Variants in SNX24 observed in about 807,000 individuals in gnomAD.
SNX24 encodes sorting nexin 24.
In SNX24, 22 loss-of-function variants were observed where a neutral mutation model predicts 28.7. That is an observed-to-expected ratio of 0.77 (90% CI 0.55 to 1.10). The LOEUF is 1.10. Among genes scored for constraint, SNX24 ranks in the 50% least tolerant of loss-of-function variants. The probability of loss-of-function intolerance (pLI) is 0.00; values close to 1 mark genes in which losing one functional copy is unlikely to be tolerated. For synonymous variants in SNX24, 69 were observed against 71.5 expected, an observed-to-expected ratio of 0.96 and a Z score of 0.18; for missense variants, 221 against 201.1, an observed-to-expected ratio of 1.10 and a Z score of -0.60.
intron 1 of SNX24, 29 bp from the exon 2 acceptor site, chr5:122,936,705 A>G (rs1309126776): frequency 1.1e-5 from 14 of 1,286,016 alleles, no homozygotes; most frequent in Non-Finnish European, 1.5e-5. Flanking sequence ...TTGAACTAAT[A>G]TAATTAATCT....
At chr5:122,963,826 G>C (rs1469507438) in intron 3 of SNX24, among the ~76,000 whole-genome samples, 1 of 152,078 alleles carries the variant, frequency 6.6e-6, no homozygotes, top group Non-Finnish European at 1.5e-5. Flanking sequence ...TCTCCTTGCA[G>C]GTTAATATAT....
intron 1 of SNX24, among the ~76,000 whole-genome samples, chr5:122,876,342 T>C (rs1267580551): frequency 6.6e-6 from 1 of 152,156 alleles, no homozygotes; most frequent in Non-Finnish European, 1.5e-5. Context: ...AAATGAAAAA[T>C]ATTAGTTTTT....
chr5:122,851,782 A>G (rs190029179), intron 1 of SNX24, among the ~76,000 whole-genome samples: 1 of 152,270 alleles, frequency 6.6e-6, no homozygotes, highest in African/African-American at 2.4e-5. Flanking sequence ...ATATTTTATA[A>G]TTCTTTCATT....
chr5:122,962,011 C>CGA (rs1760506846), intron 3 of SNX24, among the ~76,000 whole-genome samples: 1 of 152,128 alleles, frequency 6.6e-6, no homozygotes. Flanking sequence ...TATGGTAATT[C>CGA]TATAAGACTT....
chr5:122,921,510 C>T lies in SNX24; in HGVS notation c.61-15224C>T, dbSNP rs150366368. 6.4e-3 allele frequency among the ~76,000 whole-genome samples: 967 copies of T among 152,120 alleles called. 9 individuals are homozygous for T. Among genetic ancestry groups the T allele is most frequent in the East Asian group, 0.059 (307 of 5,170 alleles). On this transcript the variant is annotated intron_variant, in intron 1 of 6. Coordinates refer to ENST00000261369, the MANE Select transcript of SNX24 (RefSeq NM_014035.4). ...TGTGGAAAAATGCTTGGCAGAAGAT[C>T]CACAGCTGTACTGTCTCTGTAAAGA...
intron 3 of SNX24, among the ~76,000 whole-genome samples, chr5:122,981,667 G>T (rs965989418): frequency 7.0e-5 from 10 of 142,660 alleles, no homozygotes; most frequent in African/African-American, 2.4e-4. Context: ...GTTTTGTTTT[G>T]TTTTTGTTTG....
At chr5:122,944,388 A>G (rs1320484007) in intron 2 of SNX24, among the ~76,000 whole-genome samples, 1 of 151,864 alleles carries the variant, frequency 6.6e-6, no homozygotes, top group African/African-American at 2.4e-5. Context: ...CTGGAAAACC[A>G]GTTTATAGCT....
Position 122,910,176 on chromosome 5 carries a change from A to G in SNX24, c.61-26558A>G, listed in dbSNP as rs114505204. Among the ~76,000 whole-genome samples, 863 of 152,308 alleles carry G rather than the reference A, an allele frequency of 5.7e-3. 12 individuals carry two copies. The highest frequency in any genetic ancestry group is 0.019 in the African/African-American group (781 of 41,574). On this transcript the variant is annotated intron_variant, in intron 1 of 6. Coordinates refer to ENST00000261369, the MANE Select transcript of SNX24 (RefSeq NM_014035.4). ...TCCAATGGAACAAAGTTGCATTAGA[A>G]CTTTAATCCTACCACTGTGGTGTTC...
At chr5:122,946,572 G>A (rs1427021247) in intron 3 of SNX24, among the ~76,000 whole-genome samples, 1 of 152,144 alleles carries the variant, frequency 6.6e-6, no homozygotes, top group African/African-American at 2.4e-5. Context: ...GGCCTGGCTA[G>A]TGTATCTTTG....
At chr5:122,899,479 G>C (rs1002585208) in intron 1 of SNX24, among the ~76,000 whole-genome samples, 1 of 152,138 alleles carries the variant, frequency 6.6e-6, no homozygotes, top group Admixed American at 6.5e-5. Flanking sequence ...CACAATTACA[G>C]CTCACTGAAT....
At chr5:123,024,158 C>T (rs1044982124) in intron 5 of SNX24, among the ~76,000 whole-genome samples, 35 of 122,862 alleles carry the variant, frequency 2.8e-4, no homozygotes, top group Non-Finnish European at 4.2e-4. Context: ...TTTTTATGCA[C>T]GCTAACTGTG....
chr5:123,008,399 C>A lies in SNX24; in HGVS notation c.*650C>A. ...AAGGTCAGTACATAGGTAAAATGGG[C>A]TATTAGGATGATCCTTGAAAGCCCT... On this transcript the variant is annotated 3_prime_UTR_variant, in exon 7 of 7. Coordinates refer to ENST00000261369, the MANE Select transcript of SNX24 (RefSeq NM_014035.4). The A allele has an allele frequency of 1.7e-6, 1 of 601,960 alleles. No homozygotes were observed. Among genetic ancestry groups the A allele is most frequent in the Non-Finnish European group, 2.1e-6 (1 of 479,792 alleles). The allele number at this position is 601,960 out of a possible 1,614,324, so 37.3% of individuals were successfully genotyped here.
intron 1 of SNX24, among the ~76,000 whole-genome samples, chr5:122,886,437 C>G (rs1219900523): frequency 1.3e-5 from 2 of 152,080 alleles, no homozygotes; most frequent in African/African-American, 4.8e-5. Flanking sequence ...ATCTTGCCAG[C>G]CACTCTGGAA....
intron 1 of SNX24, among the ~76,000 whole-genome samples, chr5:122,928,387 G>C (rs566211450): frequency 1.2e-3 from 181 of 152,232 alleles, no homozygotes; most frequent in African/African-American, 4.2e-3. Flanking sequence ...CTTGGTAAAA[G>C]AGTTTAAAGT....
chr5:122,872,748 G>A (rs1052437078), intron 1 of SNX24, among the ~76,000 whole-genome samples: 2 of 150,830 alleles, frequency 1.3e-5, no homozygotes, highest in East Asian at 2.0e-4. Flanking sequence ...ATTCACAGTC[G>A]GTTGAATCTG....
intron 1 of SNX24, among the ~76,000 whole-genome samples, chr5:122,887,795 C>T (rs191402201): frequency 7.2e-4 from 109 of 152,224 alleles, no homozygotes; most frequent in African/African-American, 1.6e-3. Context: ...CTCTGCCTCC[C>T]GGATTCAAGT....
chr5:122,930,041 A>G (rs1189772715), intron 1 of SNX24, among the ~76,000 whole-genome samples: 1 of 152,218 alleles, frequency 6.6e-6, no homozygotes, highest in Non-Finnish European at 1.5e-5. Flanking sequence ...AACTTTGAAG[A>G]CATTTGGAGC....
intron 3 of SNX24, among the ~76,000 whole-genome samples, chr5:122,951,469 A>G (rs1379270634): frequency 6.6e-6 from 1 of 152,146 alleles, no homozygotes; most frequent in Non-Finnish European, 1.5e-5. Flanking sequence ...GGAATTTAGC[A>G]TCTCATAGTG....
chr5:122,937,580 C>T (rs1581772041), intron 2 of SNX24, among the ~76,000 whole-genome samples: 1 of 152,104 alleles, frequency 6.6e-6, no homozygotes, highest in African/African-American at 2.4e-5. Context: ...AGAAAAATCC[C>T]GTTAACAGGA....
Sources: allele counts gnomAD v4.1 joint callset (sites outside exome capture counted in the v4.1 genomes callset), GRCh38; gene constraint gnomAD v4.1.1; transcripts MANE v1.5; gene names NCBI Gene and HGNC (gene_info 2026-07-23, HGNC 2026-07-21).